ALPK1: variants seen among roughly 807,000 people sequenced by gnomAD.
ALPK1 encodes alpha kinase 1.
A neutral mutation model predicts 120.6 loss-of-function variants in ALPK1; 110 were observed. The ratio of observed to expected loss-of-function variants is 0.91; its 90% CI spans 0.78 to 1.07. The LOEUF (loss-of-function observed/expected upper bound fraction) is 1.07. Among genes scored for constraint, ALPK1 ranks in the 50% least tolerant of loss-of-function variants. The pLI is 0.00. For synonymous variants in ALPK1, 582 were observed against 560.3 expected, an observed-to-expected ratio of 1.04 and a Z score of -0.55; for missense variants, 1,498 against 1,483.9, an observed-to-expected ratio of 1.01 and a Z score of -0.16.
In ALPK1 at chr4:112,432,420, G is replaced by A. The variant is rs987247472; in HGVS notation, c.2873G>A (p.Trp958Ter). The A allele has an allele frequency of 1.2e-6, 2 of 1,614,166 alleles. No individual in the cohort carries two copies. The highest frequency in any genetic ancestry group is 2.7e-5 in the African/African-American group (2 of 75,040). The part of the protein sequence containing the change: ...WSYLNSSGSS[W>*]VSLPGKMRKE... ...TATCTGAATTCCAGTGGGAGTTCTT[G>A]GGTTTCATTGCCGGGAAAGATGAGG... The change falls in exon 11 of 16, where the codon TGG (tryptophan) becomes TAG (stop). Residue 958 changes from tryptophan (W) to a stop codon, truncating the protein, a stop_gained. Coordinates refer to ENST00000650871, the MANE Select transcript of ALPK1 (RefSeq NM_025144.4). LOFTEE classifies it high-confidence loss of function.
chr4:112,424,023 C>T lies in ALPK1; in HGVS notation c.535+20C>T. 6.2e-7 allele frequency: 1 copy of T among 1,610,924 alleles called. No homozygotes were observed. Among genetic ancestry groups the T allele is most frequent in the Middle Eastern group, 1.7e-4 (1 of 5,878 alleles). On this transcript the variant is annotated intron_variant, in intron 6 of 15. Transcript: ENST00000650871. ...CAACGGGTGAGTACTTTCATATCTT[C>T]ACAATGACTTTTACCTCAGCCCCGA...
chr4:112,313,908 A>T (rs1175506317), intron 1 of ALPK1, among the ~76,000 whole-genome samples: 1 of 152,160 alleles, frequency 6.6e-6, no homozygotes, highest in Non-Finnish European at 1.5e-5. Flanking sequence ...GAATTTTGCT[A>T]AAAAAGACAA....
chr4:112,356,297 C>A, intron 2 of ALPK1: 1 of 1,049,250 alleles, frequency 9.5e-7, no homozygotes, highest in Non-Finnish European at 1.5e-6. Context: ...GTGCACCACC[C>A]TGGCCTGGCG....
intron 5 of ALPK1, 58 bp downstream of exon 5, chr4:112,412,083 TC>T: frequency 1.3e-6 from 2 of 1,597,278 alleles, no homozygotes; most frequent in South Asian, 2.2e-5. Context: ...TCCCCTTCCC[TC>T]CCGAGCTACT....
chr4:112,319,474 T>C (rs1728773634), intron 2 of ALPK1, among the ~76,000 whole-genome samples: 1 of 152,220 alleles, frequency 6.6e-6, no homozygotes, highest in African/African-American at 2.4e-5. Flanking sequence ...AGTCAGAAAG[T>C]GTGATGCCTA....
At chr4:112,390,895 G>T (rs972627154) in intron 4 of ALPK1, among the ~76,000 whole-genome samples, 2 of 152,182 alleles carry the variant, frequency 1.3e-5, no homozygotes, top group Admixed American at 6.5e-5. Flanking sequence ...TCCTGAGTTT[G>T]GGGAGCACAC....
chr4:112,309,736 G>T (rs1246930525), intron 1 of ALPK1, among the ~76,000 whole-genome samples: 1 of 152,020 alleles, frequency 6.6e-6, no homozygotes, highest in African/African-American at 2.4e-5. Flanking sequence ...CAAGTTACTT[G>T]TTTTTCCCAA....
intron 4 of ALPK1, among the ~76,000 whole-genome samples, chr4:112,400,322 A>G (rs1430668061): frequency 1.3e-5 from 2 of 152,208 alleles, no homozygotes; most frequent in African/African-American, 2.4e-5. Flanking sequence ...AGGGTAGATG[A>G]AACACATAGG....
chr4:112,410,246 CAT>C (rs1194183925), intron 4 of ALPK1, among the ~76,000 whole-genome samples: 1 of 152,016 alleles, frequency 6.6e-6, no homozygotes, highest in Non-Finnish European at 1.5e-5. Flanking sequence ...GGTTTCCTAA[CAT>C]AGAGTCAGGA....
intron 2 of ALPK1, among the ~76,000 whole-genome samples, chr4:112,374,425 C>A (rs938552628): frequency 2.0e-5 from 3 of 152,188 alleles, no homozygotes; most frequent in African/African-American, 7.2e-5. Context: ...GTCTTGAACA[C>A]CCCAAAGTTA....
chr4:112,391,525 GAATT>G (rs779124923), intron 4 of ALPK1, among the ~76,000 whole-genome samples: 27 of 152,276 alleles, frequency 1.8e-4, no homozygotes, highest in Non-Finnish European at 3.2e-4. Flanking sequence ...ATTGTAGATG[GAATT>G]AATTAAGTTA....
At chr4:112,357,742 G>T in intron 2 of ALPK1, 1 of 1,359,316 alleles carries the variant, frequency 7.4e-7, no homozygotes, top group East Asian at 2.3e-5. Context: ...GTCCTCTTTG[G>T]GGAAGGCTCT....
rs1735024233 is a variant in ALPK1 at position 112,441,105 on chromosome 4, T to C, written c.3727T>C (p.Cys1243Arg). ...SLTRPSMEKP[C>R]T ...GACTAGACCTTCAATGGAGAAACCA[T>C]GTAAGTCATAGGCTGTATGGATTGG... Residue 1243 changes from cysteine (C) to arginine (R), a missense_variant and splice_region_variant, in exon 15 of 16, where the codon TGC (cysteine) becomes CGC (arginine). Physicochemically the swap from Cys to Arg is radical, Grantham distance 180. Coordinates refer to ENST00000650871, the MANE Select transcript of ALPK1 (RefSeq NM_025144.4). The C allele has an allele frequency of 6.8e-6, 11 of 1,613,968 alleles. No homozygotes were observed. The highest frequency in any genetic ancestry group is 8.5e-6 in the Non-Finnish European group (10 of 1,179,874).
At chr4:112,403,608 T>C (rs1277919527) in intron 4 of ALPK1, among the ~76,000 whole-genome samples, 1 of 152,222 alleles carries the variant, frequency 6.6e-6, no homozygotes, top group African/African-American at 2.4e-5. Context: ...ATTGAAGTGC[T>C]TATTTTCCTC....
intron 5 of ALPK1, chr4:112,414,610 A>G (rs1184420168): frequency 1.8e-5 from 3 of 162,378 alleles, no homozygotes; most frequent in Non-Finnish European, 2.7e-5. Flanking sequence ...CTTCGTCTCA[A>G]AAAAAAAAAA....
intron 4 of ALPK1, among the ~76,000 whole-genome samples, chr4:112,395,697 T>C (rs1261896697): frequency 6.6e-6 from 1 of 152,244 alleles, no homozygotes; most frequent in Non-Finnish European, 1.5e-5. Context: ...CATACTATGT[T>C]TAGTTTTAAA....
chr4:112,329,830 A>G (rs941376245), intron 2 of ALPK1, among the ~76,000 whole-genome samples: 46 of 152,354 alleles, frequency 3.0e-4, no homozygotes, highest in Middle Eastern at 3.4e-3. Flanking sequence ...TGGGAGGGGT[A>G]TAGGCCTGTC....
At chr4:112,418,762 C>T (rs1339987747) in intron 5 of ALPK1, among the ~76,000 whole-genome samples, 2 of 149,802 alleles carry the variant, frequency 1.3e-5, no homozygotes, top group Non-Finnish European at 3.0e-5. Context: ...TTACTCCCTG[C>T]ATAGGAGGGA....
chr4:112,432,350 C>T lies in ALPK1; in HGVS notation c.2803C>T (p.Pro935Ser), dbSNP rs745311953. 3.1e-6 allele frequency: 5 copies of T among 1,614,002 alleles called. No homozygotes were observed. Among genetic ancestry groups the T allele is most frequent in the Admixed American group, 1.7e-5 (1 of 59,964 alleles). Residue 935 changes from proline to serine, a missense_variant, in exon 11 of 16, where the codon CCT becomes TCT. Transcript: ENST00000650871. ...SSSSVWWLKS[P>S]AFSSGSSEGD... is the part of the protein sequence containing the mutation. ...ATCCTCAGTGTGGTGGCTGAAATCA[C>T]CTGCATTTTCCAGTGGTTCTTCTGA...
Sources: gnomAD v4.1 joint callset for allele counts (sites outside exome capture counted in the v4.1 genomes callset) on GRCh38, gnomAD v4.1.1 for gene constraint, MANE v1.5 for transcripts, NCBI Gene and HGNC (gene_info 2026-07-23, HGNC 2026-07-21) for gene names.